Variants in CHSY3 observed in about 807,000 individuals in gnomAD.
The protein encoded by CHSY3 is chondroitin sulfate synthase 3, also known as N-acetylgalactosaminyl-proteoglycan 3-beta-glucuronosyltransferase 3.
A neutral mutation model predicts 67.2 loss-of-function variants in CHSY3; 35 were observed. That is an observed-to-expected ratio of 0.52 (90% CI 0.40 to 0.69). CHSY3 has a LOEUF of 0.69. Among genes scored for constraint, CHSY3 ranks in the 30% least tolerant of loss-of-function variants. CHSY3 has a pLI of 0.00. For missense variants in CHSY3, 1,069 were observed against 1,138.5 expected, an observed-to-expected ratio of 0.94 and a Z score of 0.88; for synonymous variants, 474 against 434.7, an observed-to-expected ratio of 1.09 and a Z score of -1.12.
chr5:130,138,206 G>A (rs1768729694), intron 2 of CHSY3, among the ~76,000 whole-genome samples: 1 of 152,202 alleles, frequency 6.6e-6, no homozygotes, highest in African/African-American at 2.4e-5. Context: ...TGGAGCAAAA[G>A]AGGCACAGCT....
At chr5:129,970,398 TTAGATAGATAGA>T (rs59639782) in intron 2 of CHSY3, among the ~76,000 whole-genome samples, 4,374 of 145,702 alleles carry the variant, frequency 0.03, 113 homozygotes, top group South Asian at 0.056. Flanking sequence ...GAGGAACAGA[TTAGATAGATAGA>T]TAGATAGATA....
intron 2 of CHSY3, among the ~76,000 whole-genome samples, chr5:129,910,770 A>G (rs1412778057): frequency 6.6e-6 from 1 of 152,022 alleles, no homozygotes. Context: ...GTGTCCATAT[A>G]TGATACTGTT....
intron 2 of CHSY3, among the ~76,000 whole-genome samples, chr5:130,113,631 T>C (rs1178497833): frequency 6.6e-6 from 1 of 152,174 alleles, no homozygotes; most frequent in Admixed American, 6.6e-5. Flanking sequence ...TTCCTTTGTC[T>C]ATTACAAGGC....
chr5:130,150,561 C>G (rs531895955), intron 2 of CHSY3, among the ~76,000 whole-genome samples: 3 of 152,052 alleles, frequency 2.0e-5, no homozygotes, highest in African/African-American at 7.2e-5. Flanking sequence ...AACATGAACA[C>G]ATTTGAATAT....
intron 2 of CHSY3, among the ~76,000 whole-genome samples, chr5:130,148,094 C>T (rs974257886): frequency 2.0e-5 from 3 of 152,012 alleles, no homozygotes; most frequent in Non-Finnish European, 4.4e-5. Flanking sequence ...TTCTTCTATA[C>T]GTACGTACAT....
intron 2 of CHSY3, among the ~76,000 whole-genome samples, chr5:130,153,712 C>G (rs781584079): frequency 6.6e-6 from 1 of 152,154 alleles, no homozygotes; most frequent in African/African-American, 2.4e-5. Flanking sequence ...TGCTGCCAAG[C>G]CTCTGTTGGG....
chr5:129,938,776 T>C lies in CHSY3; in HGVS notation c.1086+30416T>C, dbSNP rs959705696. Among the ~76,000 whole-genome samples the C allele has an allele frequency of 4.6e-5, 7 of 152,334 alleles. No individual in the cohort carries two copies. In the South Asian group the frequency reaches 1.4e-3, roughly 32 times the overall value. Reference sequence around the variant, plus strand: ...GACTGGGCTTCGTTGTCCATATCACTATCAGCATTTGATCACAATAATTTA... The same window carrying C: ...GACTGGGCTTCGTTGTCCATATCACCATCAGCATTTGATCACAATAATTTA... On this transcript the variant is annotated intron_variant, in intron 2 of 2. Coordinates refer to ENST00000305031, the MANE Select transcript of CHSY3 (RefSeq NM_175856.5).
chr5:130,039,275 C>T (rs1036913688), intron 2 of CHSY3, among the ~76,000 whole-genome samples: 3 of 151,964 alleles, frequency 2.0e-5, no homozygotes, highest in African/African-American at 7.2e-5. Flanking sequence ...TTGCTTGAAT[C>T]CAGGATTTTA....
intron 2 of CHSY3, among the ~76,000 whole-genome samples, chr5:129,980,613 T>G (rs1762953354): frequency 6.6e-6 from 1 of 152,224 alleles, no homozygotes; most frequent in Admixed American, 6.5e-5. Flanking sequence ...CATAAGTTTT[T>G]AAATTTATCG....
At chr5:130,006,003 A>G (rs1031317676) in intron 2 of CHSY3, among the ~76,000 whole-genome samples, 3 of 152,190 alleles carry the variant, frequency 2.0e-5, no homozygotes, top group Admixed American at 6.5e-5. Flanking sequence ...TACTGGGCAA[A>G]TTGTGCATGA....
intron 2 of CHSY3, among the ~76,000 whole-genome samples, chr5:129,922,625 TTA>T (rs1760962881): frequency 6.6e-6 from 1 of 152,234 alleles, no homozygotes; most frequent in South Asian, 2.1e-4. Context: ...TGTTAGCCAT[TTA>T]TATGTCTTTT....
intron 2 of CHSY3, among the ~76,000 whole-genome samples, chr5:130,088,121 G>A (rs2149690669): frequency 6.6e-6 from 1 of 152,206 alleles, no homozygotes; most frequent in African/African-American, 2.4e-5. Context: ...ATGGGGAAAG[G>A]ATTCCCTATT....
At chr5:130,114,604 C>T (rs557560800) in intron 2 of CHSY3, 1 of 152,270 alleles carries the variant, frequency 6.6e-6, no homozygotes, top group African/African-American at 2.4e-5. Flanking sequence ...GTTCTTAGAA[C>T]AGCGTCTACT....
intron 2 of CHSY3, among the ~76,000 whole-genome samples, chr5:130,175,537 C>T (rs1196700877): frequency 6.6e-6 from 1 of 152,148 alleles, no homozygotes; most frequent in Non-Finnish European, 1.5e-5. Flanking sequence ...AAAACAGAGC[C>T]TGTATAGCCA....
chr5:129,965,050 C>T (rs1475419418), intron 2 of CHSY3, among the ~76,000 whole-genome samples: 2 of 151,926 alleles, frequency 1.3e-5, no homozygotes, highest in African/African-American at 4.8e-5. Context: ...TCAAGTGCCT[C>T]ATGACATCAG....
At chr5:130,068,363 C>T (rs1318684469) in intron 2 of CHSY3, among the ~76,000 whole-genome samples, 1 of 152,132 alleles carries the variant, frequency 6.6e-6, no homozygotes, top group East Asian at 1.9e-4. Context: ...TCTGACTGTA[C>T]ATGATGGTCC....
intron 2 of CHSY3, chr5:130,141,367 G>T: frequency 2.6e-6 from 1 of 381,556 alleles, no homozygotes; most frequent in South Asian, 2.4e-5. Flanking sequence ...AGAGTGCCAT[G>T]ACCAAGGACA....
chr5:130,071,155 A>G (rs562513930), intron 2 of CHSY3, among the ~76,000 whole-genome samples: 2 of 152,052 alleles, frequency 1.3e-5, no homozygotes, highest in Non-Finnish European at 2.9e-5. Flanking sequence ...CTCTCTCTAT[A>G]ATAAGGCTGC....
Position 129,973,592 on chromosome 5 carries a change from T to C in CHSY3, c.1086+65232T>C, listed in dbSNP as rs55755266. ...TAATACGCCCCACTGTTAAGTATGATTTGTTACAAATTTGCAGTAGTCTAT... is the reference window on the plus strand; with the variant it reads ...TAATACGCCCCACTGTTAAGTATGACTTGTTACAAATTTGCAGTAGTCTAT... On this transcript the variant is annotated intron_variant, in intron 2 of 2. Coordinates refer to ENST00000305031, the MANE Select transcript of CHSY3 (RefSeq NM_175856.5). Among the ~76,000 whole-genome samples the C allele has an allele frequency of 7.3e-3, 1,108 of 152,254 alleles. 11 individuals are homozygous for C. The highest frequency in any genetic ancestry group is 0.025 in the African/African-American group (1,052 of 41,548).
Sources: allele counts gnomAD v4.1 joint callset (sites outside exome capture counted in the v4.1 genomes callset), GRCh38; gene constraint gnomAD v4.1.1; transcripts MANE v1.5; gene names NCBI Gene and HGNC (gene_info 2026-07-23, HGNC 2026-07-21).